Variants in IGF1R observed in about 807,000 individuals in gnomAD.
IGF1R encodes the protein insulin-like growth factor 1 receptor.
A neutral mutation model predicts 144.6 loss-of-function variants in IGF1R; 44 were observed. The ratio of observed to expected loss-of-function variants is 0.30; its 90% confidence interval spans 0.24 to 0.39. The LOEUF (loss-of-function observed/expected upper bound fraction) is 0.39. IGF1R is among the 10% of genes least tolerant of loss of function. The pLI is 1.00. For synonymous variants in IGF1R, 795 were observed against 722.8 expected, an observed-to-expected ratio of 1.10 and a Z score of -1.60; for missense variants, 1,355 against 1,833.7, an observed-to-expected ratio of 0.74 and a Z score of 4.77.
chr15:98,767,553 A>G (rs1394192864), intron 2 of IGF1R, among the ~76,000 whole-genome samples: 2 of 152,228 alleles, frequency 1.3e-5, no homozygotes, highest in Non-Finnish European at 2.9e-5. Context: ...AGCTTTATCA[A>G]TGTTTTGAAT....
chr15:98,763,806 A>T (rs2055367442), intron 2 of IGF1R, among the ~76,000 whole-genome samples: 2 of 152,184 alleles, frequency 1.3e-5, no homozygotes, highest in Admixed American at 1.3e-4. Flanking sequence ...TGGGTTGTCC[A>T]GGTGTGCTTG....
chr15:98,945,192 T>A (rs536857107), intron 19 of IGF1R, among the ~76,000 whole-genome samples: 3 of 152,378 alleles, frequency 2.0e-5, no homozygotes, highest in Admixed American at 6.5e-5. Context: ...AGCATCTGGA[T>A]CACCCAACAC....
intron 19 of IGF1R, among the ~76,000 whole-genome samples, chr15:98,946,820 C>T (rs962796532): frequency 1.3e-5 from 2 of 152,204 alleles, no homozygotes; most frequent in African/African-American, 4.8e-5. Context: ...GCTGACACAG[C>T]CAGGAAGGGC....
chr15:98,769,050 T>A (rs12900130), intron 2 of IGF1R, among the ~76,000 whole-genome samples: 142,275 of 152,260 alleles, frequency 0.93, 67,100 homozygotes, highest in East Asian at 1. Flanking sequence ...TGCAAAAAAA[T>A]TTTATTTGAC....
intron 1 of IGF1R, among the ~76,000 whole-genome samples, chr15:98,698,477 G>A (rs140130236): frequency 5.9e-5 from 9 of 152,182 alleles, no homozygotes; most frequent in South Asian, 2.1e-4. Flanking sequence ...CCACAGCCAC[G>A]GGCAGCCACT....
rs546220559 is a variant in IGF1R at position 98,667,728 on chromosome 15, C to T, written c.94+18053C>T. ...TGTCCCGCCCGGGGGAGTGGCTCAC[C>T]TTGGTCTGAGACCAATGGGAGGAAG... On this transcript the variant is annotated intron_variant, in intron 1 of 20. Coordinates refer to ENST00000650285, the MANE Select transcript of IGF1R (RefSeq NM_000875.5). Among the ~76,000 whole-genome samples the T allele has an allele frequency of 3.3e-5, 5 of 152,270 alleles. No homozygotes were observed. In the South Asian group the frequency reaches 8.3e-4, roughly 25 times the overall value.
chr15:98,879,772 C>A (rs897286229), intron 2 of IGF1R, among the ~76,000 whole-genome samples: 1 of 151,982 alleles, frequency 6.6e-6, no homozygotes, highest in Admixed American at 6.6e-5. Context: ...TCATGAAAGT[C>A]AAAATTTATG....
At chr15:98,667,182 A>G (rs903523991) in intron 1 of IGF1R, among the ~76,000 whole-genome samples, 6 of 138,722 alleles carry the variant, frequency 4.3e-5, no homozygotes, top group Non-Finnish European at 6.3e-5. Flanking sequence ...AGTCAAACTC[A>G]TGCCACCGTA....
intron 20 of IGF1R, among the ~76,000 whole-genome samples, chr15:98,949,276 C>G (rs2016679723): frequency 6.6e-6 from 1 of 152,152 alleles, no homozygotes; most frequent in Non-Finnish European, 1.5e-5. Flanking sequence ...AACATGCTCT[C>G]CGGAGCTTCA....
At chr15:98,819,149 C>G (rs2056757330) in intron 2 of IGF1R, among the ~76,000 whole-genome samples, 1 of 151,840 alleles carries the variant, frequency 6.6e-6, no homozygotes, top group Non-Finnish European at 1.5e-5. Flanking sequence ...TGGAGTTGAA[C>G]ACAGCAGTGT....
intron 2 of IGF1R, among the ~76,000 whole-genome samples, chr15:98,823,391 T>G (rs1002603574): frequency 6.6e-6 from 1 of 152,196 alleles, no homozygotes; most frequent in African/African-American, 2.4e-5. Flanking sequence ...TTAAGCTGTT[T>G]CCCTCTTCCC....
chr15:98,807,962 A>G (rs2056502994), intron 2 of IGF1R, among the ~76,000 whole-genome samples: 1 of 152,186 alleles, frequency 6.6e-6, no homozygotes, highest in Non-Finnish European at 1.5e-5. Context: ...TTGCCTTATG[A>G]TTGGAGTTTT....
At chr15:98,811,077 G>C (rs2056579791) in intron 2 of IGF1R, among the ~76,000 whole-genome samples, 1 of 151,784 alleles carries the variant, frequency 6.6e-6, no homozygotes, top group African/African-American at 2.4e-5. Flanking sequence ...GAGGCGGCCG[G>C]ATCACCTGAG....
At chr15:98,728,132 T>G (rs921076519) in intron 2 of IGF1R, among the ~76,000 whole-genome samples, 1 of 151,312 alleles carries the variant, frequency 6.6e-6, no homozygotes, top group Admixed American at 6.6e-5. Context: ...TTTTTTAACT[T>G]GCTTTTTAAC....
chr15:98,832,366 C>T (rs1457195792), intron 2 of IGF1R, among the ~76,000 whole-genome samples: 1 of 152,098 alleles, frequency 6.6e-6, no homozygotes, highest in Non-Finnish European at 1.5e-5. Flanking sequence ...CCAGCATATT[C>T]CAGGAGCTCA....
chr15:98,924,768 G>A lies in IGF1R; in HGVS notation c.2782+84G>A, dbSNP rs1314434967. On this transcript the variant is annotated intron_variant, in intron 13 of 20. Coordinates refer to ENST00000650285, the MANE Select transcript of IGF1R (RefSeq NM_000875.5). ...CAGGACAGCCCGAGTGTTCATGGCTGTCTTATTTTCTGTTAAAATGGAGTT... is the reference window on the plus strand; with the variant it reads ...CAGGACAGCCCGAGTGTTCATGGCTATCTTATTTTCTGTTAAAATGGAGTT... The A allele has an allele frequency of 1.8e-5, 23 of 1,260,034 alleles. No homozygotes were observed. The East Asian group carries it at 5.1e-4, about 28-fold the overall frequency. 78.1% of individuals were successfully genotyped at this position (1,260,034 alleles called of 1,614,324 possible).
chr15:98,648,859 G>T lies in IGF1R; in HGVS notation c.-723G>T. 1 of 145,984 alleles carries T rather than the reference G, an allele frequency of 6.9e-6. No individual in the cohort carries two copies. The highest frequency in any genetic ancestry group is 1.9e-4 in the South Asian group (1 of 5,258). 9.0% of individuals were successfully genotyped at this position (145,984 alleles called of 1,614,324 possible). A position where few individuals can be genotyped will look rare whatever the true frequency, so the allele number is the denominator to read the frequency against. On this transcript the variant is annotated 5_prime_UTR_variant, in exon 1 of 21. Transcript: ENST00000650285. Reference sequence around the variant, plus strand: ...CCGCGCAGAGCAGGCGGCGGCGGGCGGGGGCCGGGCGGGGGCCGGCGCGGG... The same window carrying T: ...CCGCGCAGAGCAGGCGGCGGCGGGCTGGGGCCGGGCGGGGGCCGGCGCGGG...
rs916960872 is a variant in IGF1R at position 98,702,920 on chromosome 15, G to A, written c.95-4642G>A. On this transcript the variant is annotated intron_variant, in intron 1 of 20. Coordinates refer to ENST00000650285, the MANE Select transcript of IGF1R (RefSeq NM_000875.5). ...CTGCAGCACTCTAGCCTGGGTGACAGAGTGAGACCACGTCTCAAAAAACAA... is the reference window on the plus strand; with the variant it reads ...CTGCAGCACTCTAGCCTGGGTGACAAAGTGAGACCACGTCTCAAAAAACAA... Among the ~76,000 whole-genome samples, 5 of 152,320 alleles carry A rather than the reference G, an allele frequency of 3.3e-5. No homozygotes were observed. In the East Asian group the frequency reaches 5.8e-4, roughly 18 times the overall value.
At chr15:98,719,292 C>T (rs1374421720) in intron 2 of IGF1R, among the ~76,000 whole-genome samples, 1 of 152,206 alleles carries the variant, frequency 6.6e-6, no homozygotes, top group Non-Finnish European at 1.5e-5. Context: ...ACTTCAGGGA[C>T]TGTCCAGGCA....
Sources: allele counts gnomAD v4.1 joint callset (sites outside exome capture counted in the v4.1 genomes callset), GRCh38; gene constraint gnomAD v4.1.1; transcripts MANE v1.5; gene names NCBI Gene and HGNC (gene_info 2026-07-23, HGNC 2026-07-21).